ANKMY1: variants seen among roughly 807,000 people sequenced by gnomAD.
ANKMY1 encodes the protein ankyrin repeat and MYND domain-containing protein 1.
ANKMY1 carries 98 observed loss-of-function variants against 102.0 expected under a neutral mutation model. The ratio of observed to expected loss-of-function variants is 0.96; its 90% CI spans 0.82 to 1.14. The LOEUF (loss-of-function observed/expected upper bound fraction) is 1.14. ANKMY1 is among the 50% of genes most tolerant of loss of function. ANKMY1 has a pLI of 0.00. For missense variants in ANKMY1, 1,330 were observed against 1,347.6 expected (o/e 0.99, Z 0.20); for synonymous variants, 582 against 559.9 (o/e 1.04, Z -0.56).
chr2:240,528,957 G>A (rs1205302486), intron 5 of ANKMY1, 80 bp downstream of exon 5: 4 of 1,318,792 alleles, frequency 3.0e-6, no homozygotes, highest in South Asian at 1.3e-5. Flanking sequence ...AGTGGCAGCT[G>A]GCCGGGGACC....
intron 9 of ANKMY1, among the ~76,000 whole-genome samples, chr2:240,514,227 A>G (rs994531461): frequency 1.3e-5 from 2 of 152,248 alleles, no homozygotes; most frequent in African/African-American, 4.8e-5. Flanking sequence ...AAAGCACTCC[A>G]AAACAAAATC....
Position 240,511,974 on chromosome 2 carries a change from G to A in ANKMY1, c.2173C>T (p.Leu725Phe). The change falls in exon 11 of 18, where the codon CTC (leucine) becomes TTC (phenylalanine). Residue 725 changes from leucine to phenylalanine, a missense_variant. By Grantham distance (22) the Leu-to-Phe change is conservative (BLOSUM62 0). Transcript: ENST00000401804. ...KLDLLPSSLK[L>F]SNEPGPPQAY... ...TGGGGAGGGCCTGGCTCATTGCTGA[G>A]CTTCAGACTTGAGGGCAGCAGGTCC... 6.4e-7 allele frequency: 1 copy of A among 1,561,986 alleles called. No individual in the cohort carries two copies. Among genetic ancestry groups the A allele is most frequent in the East Asian group, 2.5e-5 (1 of 40,274 alleles).
rs192829080 is a variant in ANKMY1, at chr2:240,489,278, A to G, written c.2807-7017T>C. ...AGACTAGCCTGGCCAACATGGCAAA[A>G]CCCCGTCTCTACTAAAAATACAAAA... On this transcript the variant is annotated intron_variant, in intron 15 of 17. Transcript: ENST00000401804. Among the ~76,000 whole-genome samples, 697 of 151,972 alleles carry G rather than the reference A, an allele frequency of 4.6e-3. 6 individuals are homozygous for G. The highest frequency in any genetic ancestry group is 0.016 in the African/African-American group (666 of 41,434).
intron 3 of ANKMY1, chr2:240,553,611 T>C (rs1314125876): frequency 6.5e-6 from 1 of 153,458 alleles, no homozygotes; most frequent in African/African-American, 2.4e-5. Context: ...AATGTGACAT[T>C]TGGCCGGGTG....
At chr2:240,550,729 G>A (rs2091366040) in intron 4 of ANKMY1, among the ~76,000 whole-genome samples, 1 of 152,024 alleles carries the variant, frequency 6.6e-6, no homozygotes. Flanking sequence ...ATGTGTTCCA[G>A]GATTTATGAC....
intron 17 of ANKMY1, among the ~76,000 whole-genome samples, chr2:240,480,288 C>A (rs2075216513): frequency 6.6e-6 from 1 of 152,238 alleles, no homozygotes; most frequent in African/African-American, 2.4e-5. Context: ...CTTTCCCAGA[C>A]CCACTCCCGT....
chr2:240,520,506 C>G lies in ANKMY1; in HGVS notation c.1860G>C (p.Lys620Asn). The change falls in exon 9 of 18, where the codon AAG becomes AAC. Residue 620 changes from lysine (K) to asparagine (N), a missense_variant. Transcript: ENST00000401804. The surrounding 1 kb of genome is among the most constrained non-coding windows in gnomAD (Gnocchi z 4.8). ...IERRKRWRTI[K>N]LLLRRGADPN... Reference sequence around the variant, plus strand: ...GGTCCGCGCCCCGGCGCAGCAGCAGCTTGATGGTCCGCCAGCGCTTCCTCC... The same window carrying G: ...GGTCCGCGCCCCGGCGCAGCAGCAGGTTGATGGTCCGCCAGCGCTTCCTCC... 1 of 1,612,810 alleles carries G rather than the reference C, an allele frequency of 6.2e-7. No homozygotes were observed. Among genetic ancestry groups the G allele is most frequent in the Non-Finnish European group, 8.5e-7 (1 of 1,179,510 alleles).
chr2:240,546,810 A>T (rs1482233778), intron 4 of ANKMY1, among the ~76,000 whole-genome samples: 1 of 152,264 alleles, frequency 6.6e-6, no homozygotes, highest in Non-Finnish European at 1.5e-5. Context: ...AGAAGAGCTA[A>T]CTATCCTAAA....
chr2:240,552,334 C>T (rs960824781), intron 4 of ANKMY1, among the ~76,000 whole-genome samples: 7 of 152,070 alleles, frequency 4.6e-5, no homozygotes, highest in Admixed American at 4.6e-4. Flanking sequence ...TCTGTTGACA[C>T]CATTAATATG....
At position 240,525,776 on chromosome 2, in the gene ANKMY1, C is replaced by A; in HGVS notation, c.1244G>T (p.Gly415Val). The A allele has an allele frequency of 6.2e-7, 1 of 1,614,114 alleles. No homozygotes were observed. Among genetic ancestry groups the A allele is most frequent in the Non-Finnish European group, 8.5e-7 (1 of 1,179,998 alleles). ...GAAACACATGCTGAGTGCCGTGAGACCCTCATCTGAGCACTTGTTCACGTC... is the reference window on the plus strand; with the variant it reads ...GAAACACATGCTGAGTGCCGTGAGAACCTCATCTGAGCACTTGTTCACGTC... The part of the protein sequence containing the change: ...GADVNKCSDE[G>V]LTALSMCFLL... Residue 415 changes from glycine to valine, a missense_variant, in exon 7 of 18, where the codon GGT (glycine) becomes GTT (valine). Transcript: ENST00000401804.
intron 4 of ANKMY1, among the ~76,000 whole-genome samples, chr2:240,550,577 CT>C (rs981819090): frequency 6.6e-6 from 1 of 151,934 alleles, no homozygotes; most frequent in South Asian, 2.1e-4. Flanking sequence ...CTTAAATTAA[CT>C]TTTTTTGGAT....
At chr2:240,518,303 A>G (rs2081543009) in intron 9 of ANKMY1, among the ~76,000 whole-genome samples, 1 of 152,190 alleles carries the variant, frequency 6.6e-6, no homozygotes, top group Non-Finnish European at 1.5e-5. Context: ...CAGCATCTGG[A>G]CAGTGAGACC....
At position 240,509,731 on chromosome 2, in the gene ANKMY1, G is replaced by A. The variant is rs150451459; in HGVS notation, c.2287-276C>T. 1.6e-4 allele frequency among the ~76,000 whole-genome samples: 24 copies of A among 152,268 alleles called. No homozygotes were observed. The East Asian group carries it at 3.1e-3, about 20-fold the overall frequency. Reference sequence around the variant, plus strand: ...GTAGGAGGACATTGATGCATAAGTTGATTTAAAGTTTGTTTTCAGAGGACA... The same window carrying A: ...GTAGGAGGACATTGATGCATAAGTTAATTTAAAGTTTGTTTTCAGAGGACA... On this transcript the variant is annotated intron_variant, in intron 11 of 17. Transcript: ENST00000401804.
In ANKMY1 at chr2:240,500,384, GC is replaced by G. The variant is rs2077976069; in HGVS notation, c.2640+67del. The G allele has an allele frequency of 1.6e-5, 24 of 1,473,600 alleles. No individual in the cohort carries two copies. In the South Asian group the frequency reaches 2.7e-4, roughly 17 times the overall value. The allele number at this position is 1,473,600 out of a possible 1,614,324, so 91.3% of individuals were successfully genotyped here. A position where few individuals can be genotyped will look rare whatever the true frequency, so the allele number is the denominator to read the frequency against. Reference sequence around the variant, plus strand: ...CCAGCTTTGCCCCAGAGAAGCTAATGCCCCAGCCGGGGGCCCTGCACGTGAC... The same window carrying G: ...CCAGCTTTGCCCCAGAGAAGCTAATGCCCAGCCGGGGGCCCTGCACGTGAC... On this transcript the variant is annotated intron_variant, in intron 14 of 17. Transcript: ENST00000401804.
intron 4 of ANKMY1, among the ~76,000 whole-genome samples, chr2:240,536,153 T>C (rs1029718284): frequency 6.6e-6 from 1 of 152,128 alleles, no homozygotes; most frequent in African/African-American, 2.4e-5. Flanking sequence ...TATTTTGAAC[T>C]GAATGAAAAT....
intron 16 of ANKMY1, 114 bp from the exon 17 acceptor site, chr2:240,481,211 C>T (rs2075342143): frequency 1.5e-6 from 2 of 1,318,390 alleles, no homozygotes; most frequent in East Asian, 2.5e-5. Context: ...TCCCCACCGT[C>T]CCGCACTGTC....
the ANKMY1 span, among the ~76,000 whole-genome samples, chr2:240,470,020 A>G: frequency 6.6e-6 from 1 of 152,220 alleles, no homozygotes. Context: ...ACATGCACAC[A>G]TTACATACAT....
intron 15 of ANKMY1, among the ~76,000 whole-genome samples, chr2:240,489,610 C>T (rs981481292): frequency 3.9e-5 from 6 of 152,300 alleles, no homozygotes; most frequent in African/African-American, 4.8e-5. Context: ...ACTATCCTTG[C>T]ATGCCAGGTA....
chr2:240,530,389 G>A (rs573641995), intron 4 of ANKMY1, among the ~76,000 whole-genome samples: 8 of 151,932 alleles, frequency 5.3e-5, no homozygotes, highest in South Asian at 2.1e-4. Flanking sequence ...GTTCAGCACC[G>A]TGCCCTTGGT....
Sources: allele counts gnomAD v4.1 joint callset (sites outside exome capture counted in the v4.1 genomes callset), GRCh38; gene constraint gnomAD v4.1.1; non-coding constraint Gnocchi (gnomAD v3.1); transcripts MANE v1.5; gene names NCBI Gene and HGNC (gene_info 2026-07-23, HGNC 2026-07-21).